Variants in IL4I1 observed in about 807,000 individuals in gnomAD.
IL4I1 encodes the protein L-amino-acid oxidase.
Under a neutral mutation model 29.7 loss-of-function variants are expected in IL4I1, and 24 were observed. The observed-to-expected ratio is 0.81, with a 90% CI of 0.59 to 1.14. IL4I1 has a LOEUF of 1.14. IL4I1 is among the 50% of genes most tolerant of loss of function. IL4I1 has a pLI of 0.00. For synonymous variants in IL4I1, 371 were observed against 352.5 expected (o/e 1.05, Z -0.59); for missense variants, 686 against 785.6 (o/e 0.87, Z 1.52).
At position 49,921,932 on chromosome 19, in the gene IL4I1, G is replaced by A. The variant is rs1432658785; in HGVS notation, c.-228+5762C>T. Among the ~76,000 whole-genome samples the A allele has an allele frequency of 6.6e-6, 1 of 152,228 alleles. No homozygotes were observed. Among genetic ancestry groups the A allele is most frequent in the African/African-American group, 2.4e-5 (1 of 41,460 alleles). On this transcript the variant is annotated intron_variant, in intron 2 of 9. Coordinates refer to the IL4I1 transcript ENST00000341114. This position sits in a 1 kb window ranked among gnomAD's most constrained non-coding sequence, Gnocchi z 5.4. ...CACCTCCCTTCCATCTTGGCAGGAT[G>A]AGTGCATTTGCTGCGAGAAAGCAGC...
chr19:49,909,571 C>T lies in IL4I1; in HGVS notation c.-227-5250G>A, dbSNP rs140145985. The stretch of plus-strand genomic sequence containing the variant: ...ATCCAGTTCCCCCCGAAGCAAGAGT[C>T]GCTGTTCCAAAAGTGAAGCCTGTCG... On this transcript the variant is annotated intron_variant, in intron 2 of 9. Coordinates refer to the IL4I1 transcript ENST00000341114. The T allele has an allele frequency of 4.6e-5, 74 of 1,614,150 alleles. No individual in the cohort carries two copies. The highest frequency in any genetic ancestry group is 3.6e-4 in the African/African-American group (27 of 75,036).
At chr19:49,903,571 C>A (rs938001675) in intron 3 of IL4I1, among the ~76,000 whole-genome samples, 1 of 152,182 alleles carries the variant, frequency 6.6e-6, no homozygotes, top group Admixed American at 6.5e-5. Flanking sequence ...TGTGGAGAGC[C>A]GCTGCCCTGA....
At position 49,920,664 on chromosome 19, in the gene IL4I1, C is replaced by T. The variant is rs903290382; in HGVS notation, c.-228+7030G>A. ...ACGGCTCGGGCAGAGTTTCTAAGGG[C>T]AGGCCCATGCCTTCCTTGGGGTGGC... On this transcript the variant is annotated intron_variant, in intron 2 of 9. Coordinates refer to the IL4I1 transcript ENST00000341114. Among the ~76,000 whole-genome samples, 13 of 152,308 alleles carry T rather than the reference C, an allele frequency of 8.5e-5. 1 individual carries two copies. The East Asian group carries it at 1.7e-3, about 20-fold the overall frequency.
At chr19:49,920,382 A>G (rs1049098023) in intron 2 of IL4I1, among the ~76,000 whole-genome samples, 5 of 152,208 alleles carry the variant, frequency 3.3e-5, no homozygotes, top group African/African-American at 4.8e-5. Context: ...TGCCCGGCCT[A>G]GGAGTTTCTT....
rs1456907184 is a variant in IL4I1, at chr19:49,890,313, T to G, written c.1061A>C (p.Lys354Thr). Residue 354 changes from lysine to threonine, a missense_variant, in exon 8 of 8, where the codon AAG (lysine) becomes ACG (threonine). Transcript: ENST00000391826. ...GGGCCTGCGGAAGCTTAGGAACACC[T>G]TGGTGGCCGGCACGTAGTGCAGCCT... is the stretch of plus-strand genomic sequence containing the variant. ...LRRLHYVPAT[K>T]VFLSFRRPFW... 6.2e-7 allele frequency: 1 copy of G among 1,607,048 alleles called. No homozygotes were observed. The highest frequency in any genetic ancestry group is 8.5e-7 in the Non-Finnish European group (1 of 1,177,732).
At position 49,890,477 on chromosome 19, in the gene IL4I1, C is replaced by A. The variant is rs770768153; in HGVS notation, c.897G>T (p.Val299=). The part of the protein sequence containing the change: ...AMTQGPHDVH[V]QIETSPPARN... ...GCGCCGGGGGAGAGGTCTCGATCTG[C>A]ACGTGCACATCGTGCGGTCCCTGGG... Residue 299 remains valine (V), a synonymous_variant, in exon 8 of 8, where the codon GTG becomes GTT. Transcript: ENST00000391826. The A allele has an allele frequency of 1.2e-6, 2 of 1,611,880 alleles. No individual in the cohort carries two copies. Among genetic ancestry groups the A allele is most frequent in the African/African-American group, 2.7e-5 (2 of 74,924 alleles).
At chr19:49,896,804 T>C in intron 1 of IL4I1, 31 bp downstream of exon 1, 1 of 985,754 alleles carries the variant, frequency 1.0e-6, no homozygotes, top group Non-Finnish European at 1.2e-6. Flanking sequence ...GTCCTGTCTC[T>C]CTGTCCCCCC....
chr19:49,898,276 G>A (rs572320538), upstream of IL4I1, among the ~76,000 whole-genome samples: 148 of 152,272 alleles, frequency 9.7e-4, no homozygotes, highest in African/African-American at 3.5e-3. Flanking sequence ...AGCTGAGATC[G>A]TGCCACTGCA....
intron 2 of IL4I1, chr19:49,909,623 A>C: frequency 3.1e-6 from 5 of 1,614,198 alleles, no homozygotes; most frequent in Non-Finnish European, 4.2e-6. Context: ...CTGGGTGGCA[A>C]GTGAGAACAG....
intron 1 of IL4I1, 42 bp downstream of exon 1, chr19:49,896,793 G>T (rs932424878): frequency 2.0e-6 from 2 of 976,818 alleles, no homozygotes; most frequent in Non-Finnish European, 2.4e-6. Context: ...TATTTCTGTG[G>T]GTCCTGTCTC....
Position 49,889,661 on chromosome 19 carries a change from GA to G in IL4I1, c.*8del, listed in dbSNP as rs2122491340. On this transcript the variant is annotated 3_prime_UTR_variant, in exon 8 of 8. Coordinates refer to ENST00000391826, the MANE Select transcript of IL4I1 (RefSeq NM_152899.2). Reference sequence around the variant, plus strand: ...GAGGCTGGACCACACGGCTTTTTCCGAAAATACTTTAATGCGAGGTCCTCGT... The same window carrying G: ...GAGGCTGGACCACACGGCTTTTTCCGAAATACTTTAATGCGAGGTCCTCGT... 6.8e-7 allele frequency: 1 copy of G among 1,479,828 alleles called. No individual in the cohort carries two copies. The highest frequency in any genetic ancestry group is 2.4e-5 in the East Asian group (1 of 42,302). The allele number at this position is 1,479,828 out of a possible 1,614,324, so 91.7% of individuals were successfully genotyped here. A position where few individuals can be genotyped will look rare whatever the true frequency, so the allele number is the denominator to read the frequency against.
At chr19:49,900,914 G>A (rs2075265533), upstream of IL4I1, among the ~76,000 whole-genome samples, 2 of 152,246 alleles carry the variant, frequency 1.3e-5, no homozygotes. Context: ...TTTAGGTCAT[G>A]TCTATACAGC....
intron 2 of IL4I1, among the ~76,000 whole-genome samples, chr19:49,911,565 C>T (rs2075463826): frequency 6.6e-6 from 1 of 152,140 alleles, no homozygotes; most frequent in South Asian, 2.1e-4. Flanking sequence ...CCTTCCACTG[C>T]ACCCTTCTGC....
At chr19:49,916,589 G>A (rs1453136682) in intron 2 of IL4I1, among the ~76,000 whole-genome samples, 4 of 151,942 alleles carry the variant, frequency 2.6e-5, no homozygotes, top group Admixed American at 6.6e-5. Context: ...GTGAAACCCC[G>A]TCTGCACTAA....
intron 2 of IL4I1, among the ~76,000 whole-genome samples, chr19:49,920,332 C>T (rs570598785): frequency 2.0e-5 from 3 of 152,338 alleles, no homozygotes; most frequent in Admixed American, 6.5e-5. Context: ...CCGCCCACCT[C>T]GGTCTCCCAA....
chr19:49,894,267 C>G lies in IL4I1; in HGVS notation c.567+1G>C. The G allele has an allele frequency of 6.2e-7, 1 of 1,613,156 alleles. No individual in the cohort carries two copies. The highest frequency in any genetic ancestry group is 8.5e-7 in the Non-Finnish European group (1 of 1,179,608). ...GGGAGGAGGGTGCAGGCGGTACCCA[C>G]CTGGTTGAGAGCCATCTGGTAGATG... On this transcript the variant is annotated splice_donor_variant, in intron 5 of 7. Transcript: ENST00000391826. LOFTEE classifies it high-confidence loss of function.
chr19:49,928,842 A>C (rs967985052), intron 1 of IL4I1: 4 of 152,266 alleles, frequency 2.6e-5, no homozygotes, highest in African/African-American at 9.7e-5. Flanking sequence ...GAACTGGTGC[A>C]GGTCTGCGGG....
intron 1 of IL4I1, chr19:49,927,835 G>A (rs1241126396): frequency 2.6e-5 from 4 of 152,262 alleles, no homozygotes; most frequent in Non-Finnish European, 5.9e-5. Flanking sequence ...AGAAAAGACG[G>A]ACATCCACCT....
chr19:49,890,863 G>C lies in IL4I1; in HGVS notation c.773+108C>G. 3.1e-6 allele frequency: 3 copies of C among 970,000 alleles called. No homozygotes were observed. The South Asian group carries it at 5.1e-5, about 17-fold the overall frequency. 60.1% of individuals were successfully genotyped at this position (970,000 alleles called of 1,614,324 possible). ...GCCCCGCGACCATCAATTAGGCCAC[G>C]CCCTTCACAACAGCCCCGCCCCCAG... is the stretch of plus-strand genomic sequence containing the variant. On this transcript the variant is annotated intron_variant, in intron 7 of 7. Transcript: ENST00000391826.
Sources: allele counts gnomAD v4.1 joint callset (sites outside exome capture counted in the v4.1 genomes callset), GRCh38; gene constraint gnomAD v4.1.1; non-coding constraint Gnocchi (gnomAD v3.1); transcripts MANE v1.5; gene names NCBI Gene and HGNC (gene_info 2026-07-23, HGNC 2026-07-21).